MAML2: variants seen among roughly 807,000 people sequenced by gnomAD.
The protein encoded by MAML2 is mastermind like transcriptional coactivator 2.
A neutral mutation model predicts 96.1 loss-of-function variants in MAML2; 22 were observed. The ratio of observed to expected loss-of-function variants is 0.23; its 90% CI spans 0.16 to 0.33. The LOEUF (loss-of-function observed/expected upper bound fraction) is 0.33, where lower values mean the gene tolerates loss of function less well. Among genes scored for constraint, MAML2 ranks in the 10% least tolerant of loss-of-function variants. The pLI, the probability that MAML2 is intolerant of heterozygous loss-of-function variation, is 1.00. For missense variants in MAML2, 1,367 were observed against 1,392.4 expected (o/e 0.98, Z 0.29); for synonymous variants, 561 against 521.3 (o/e 1.08, Z -1.04).
intron 2 of MAML2, among the ~76,000 whole-genome samples, chr11:96,027,827 G>A (rs1486368628): frequency 6.6e-6 from 1 of 152,134 alleles, no homozygotes; most frequent in Non-Finnish European, 1.5e-5. Context: ...AACCTCCTGG[G>A]CTCAGGTGAT....
At position 96,060,509 on chromosome 11, in the gene MAML2, T is replaced by C. The variant is rs568735560; in HGVS notation, c.2139+31383A>G. 2.6e-5 allele frequency among the ~76,000 whole-genome samples: 4 copies of C among 152,246 alleles called. No homozygotes were observed. In the East Asian group the frequency reaches 7.7e-4, roughly 29 times the overall value. On this transcript the variant is annotated intron_variant, in intron 2 of 4. Coordinates refer to ENST00000524717, the MANE Select transcript of MAML2 (RefSeq NM_032427.4). The stretch of plus-strand genomic sequence containing the variant: ...ATCGCCCAGTACAAAATCACCCACA[T>C]ATCTATTTTATGACATTTCAAATAT...
chr11:96,028,963 T>G (rs1175990370), intron 2 of MAML2, among the ~76,000 whole-genome samples: 2 of 152,210 alleles, frequency 1.3e-5, no homozygotes, highest in Admixed American at 6.5e-5. Context: ...GTGTTGCTTT[T>G]GCCAGATTTA....
Position 96,093,283 on chromosome 11 carries a change from T to G in MAML2, c.748A>C (p.Thr250Pro), listed in dbSNP as rs1859763595. 6.2e-7 allele frequency: 1 copy of G among 1,614,046 alleles called. No homozygotes were observed. Among genetic ancestry groups the G allele is most frequent in the African/African-American group, 1.3e-5 (1 of 75,060 alleles). Residue 250 changes from threonine to proline, a missense_variant, in exon 2 of 5, where the codon ACA becomes CCA. Physicochemically the swap from Thr to Pro is conservative, Grantham distance 38 (BLOSUM62 -1). Coordinates refer to ENST00000524717, the MANE Select transcript of MAML2 (RefSeq NM_032427.4). Reference protein sequence around the residue: ...LRKTNTLPSHTHSPGNGLFNM... With the variant: ...LRKTNTLPSHPHSPGNGLFNM... ...AACAGGCCATTGCCAGGAGAATGTG[T>G]ATGGGATGGCAGAGTGTTAGTCTTT...
chr11:96,219,047 C>A (rs1399174903), intron 1 of MAML2, among the ~76,000 whole-genome samples: 2 of 152,228 alleles, frequency 1.3e-5, no homozygotes, highest in Non-Finnish European at 2.9e-5. Flanking sequence ...GACTGTCCCA[C>A]CACGCCATTC....
At chr11:96,008,413 A>G (rs1318928773) in intron 2 of MAML2, among the ~76,000 whole-genome samples, 1 of 152,178 alleles carries the variant, frequency 6.6e-6, no homozygotes, top group East Asian at 1.9e-4. Context: ...ATTGTTTTGT[A>G]CTTTCCAGAT....
chr11:96,098,584 G>C (rs936265543), intron 1 of MAML2, among the ~76,000 whole-genome samples: 1 of 152,224 alleles, frequency 6.6e-6, no homozygotes, highest in Non-Finnish European at 1.5e-5. Context: ...AGATGACACA[G>C]AAATCACTGT....
At chr11:96,264,672 A>G (rs896790601) in intron 1 of MAML2, among the ~76,000 whole-genome samples, 1 of 152,188 alleles carries the variant, frequency 6.6e-6, no homozygotes, top group Non-Finnish European at 1.5e-5. Context: ...TTCTAAGCTA[A>G]TAACGGAGGG....
At chr11:96,209,723 C>A (rs970029371) in intron 1 of MAML2, among the ~76,000 whole-genome samples, 1 of 152,114 alleles carries the variant, frequency 6.6e-6, no homozygotes, top group African/African-American at 2.4e-5. Context: ...TCTGTAGGCT[C>A]CTTTAATTGT....
intron 1 of MAML2, among the ~76,000 whole-genome samples, chr11:96,212,147 G>GTT (rs1565250385): frequency 7.2e-6 from 1 of 139,128 alleles, no homozygotes; most frequent in African/African-American, 2.5e-5. Flanking sequence ...GTGTGTGTGT[G>GTT]TGTGGAAGGG....
chr11:96,112,650 G>A (rs1272483537), intron 1 of MAML2, among the ~76,000 whole-genome samples: 2 of 152,170 alleles, frequency 1.3e-5, no homozygotes, highest in African/African-American at 2.4e-5. Context: ...TAGGTAAGAG[G>A]AGGATAGGCC....
intron 1 of MAML2, among the ~76,000 whole-genome samples, chr11:96,215,370 C>T (rs1862033414): frequency 6.6e-6 from 1 of 152,226 alleles, no homozygotes; most frequent in Non-Finnish European, 1.5e-5. Context: ...GCATATAACA[C>T]AGAAGATTTC....
chr11:96,307,619 G>A (rs144219959), intron 1 of MAML2, among the ~76,000 whole-genome samples: 1 of 152,262 alleles, frequency 6.6e-6, no homozygotes, highest in Non-Finnish European at 1.5e-5. Flanking sequence ...AACCTCAGCT[G>A]CTTTCTCCAA....
chr11:96,041,424 C>T (rs1436351206), intron 2 of MAML2, among the ~76,000 whole-genome samples: 1 of 151,294 alleles, frequency 6.6e-6, no homozygotes, highest in African/African-American at 2.4e-5. Context: ...TTGCTTGAGC[C>T]CAGGAGGTGG....
At chr11:96,176,011 G>A (rs1195727868) in intron 1 of MAML2, among the ~76,000 whole-genome samples, 1 of 152,176 alleles carries the variant, frequency 6.6e-6, no homozygotes, top group African/African-American at 2.4e-5. Flanking sequence ...ACTCCTCAAT[G>A]TGTATAGTGC....
At chr11:96,262,176 G>C (rs769845696) in intron 1 of MAML2, among the ~76,000 whole-genome samples, 11 of 152,268 alleles carry the variant, frequency 7.2e-5, no homozygotes, top group Non-Finnish European at 1.0e-4. Flanking sequence ...TCTGGAAATA[G>C]GTGTCACTGA....
At chr11:96,043,500 T>C (rs191594806) in intron 2 of MAML2, among the ~76,000 whole-genome samples, 1 of 152,360 alleles carries the variant, frequency 6.6e-6, no homozygotes, top group Admixed American at 6.5e-5. Context: ...GGTGGAAACC[T>C]GGTCTCCCCA....
intron 1 of MAML2, among the ~76,000 whole-genome samples, chr11:96,283,158 T>G (rs1053006592): frequency 2.0e-5 from 3 of 152,280 alleles, no homozygotes; most frequent in African/African-American, 7.2e-5. Context: ...TAAACTAAAG[T>G]GATGTTAACT....
chr11:95,978,490 T>G lies in MAML2; in HGVS notation c.*458A>C, dbSNP rs897072769. On this transcript the variant is annotated 3_prime_UTR_variant, in exon 5 of 5. Coordinates refer to ENST00000524717, the MANE Select transcript of MAML2 (RefSeq NM_032427.4). ...ATCTATCCTGCAAGCTTCAGGAAAATTAAATGAAAAGACACAATGGAAAGA... is the reference window on the plus strand; with the variant it reads ...ATCTATCCTGCAAGCTTCAGGAAAAGTAAATGAAAAGACACAATGGAAAGA... 80 of 206,562 alleles carry G rather than the reference T, an allele frequency of 3.9e-4. No homozygotes were observed. The highest frequency in any genetic ancestry group is 1.8e-3 in the African/African-American group (77 of 43,968). 12.8% of individuals were successfully genotyped at this position (206,562 alleles called of 1,614,324 possible).
In MAML2 at chr11:96,198,597, G is replaced by A. The variant is rs111355773; in HGVS notation, c.514-105080C>T. 8.0e-3 allele frequency among the ~76,000 whole-genome samples: 1,224 copies of A among 152,228 alleles called. 9 individuals are homozygous for A. The highest frequency in any genetic ancestry group is 0.014 in the Non-Finnish European group (923 of 68,018). ...TCACATGTATCTATTTTGTAGTGTG[G>A]CTCCTGAAACTGAAAAACCTACCCC... On this transcript the variant is annotated intron_variant, in intron 1 of 4. Coordinates refer to ENST00000524717, the MANE Select transcript of MAML2 (RefSeq NM_032427.4).
Sources: gnomAD v4.1 joint callset for allele counts (sites outside exome capture counted in the v4.1 genomes callset) on GRCh38, gnomAD v4.1.1 for gene constraint, MANE v1.5 for transcripts, NCBI Gene and HGNC (gene_info 2026-07-23, HGNC 2026-07-21) for gene names.